CCDC106: variants seen among roughly 807,000 people sequenced by gnomAD.
CCDC106 encodes coiled-coil domain containing 106, also known as coiled-coil domain-containing protein 106.
CCDC106 carries 17 observed loss-of-function variants against 24.7 expected under a neutral mutation model. The ratio of observed to expected loss-of-function variants is 0.69; its 90% CI spans 0.47 to 1.03. The LOEUF (loss-of-function observed/expected upper bound fraction) is 1.03. Ranked by LOEUF, CCDC106 falls within the 50% of genes least tolerant of loss-of-function variation. The pLI is 0.00. For missense variants in CCDC106, 337 were observed against 388.9 expected, an observed-to-expected ratio of 0.87 and a Z score of 1.12; for synonymous variants, 211 against 161.3, an observed-to-expected ratio of 1.31 and a Z score of -2.34.
intron 3 of CCDC106, 75 bp from the exon 4 acceptor site, chr19:55,651,208 C>T (rs1246829965): frequency 1.7e-6 from 2 of 1,156,088 alleles, no homozygotes; most frequent in Non-Finnish European, 2.6e-6. Flanking sequence ...TCGGGGACTG[C>T]AGCCTCTCTC....
intron 3 of CCDC106, among the ~76,000 whole-genome samples, chr19:55,650,346 C>G (rs759753510): frequency 6.6e-6 from 1 of 152,194 alleles, no homozygotes; most frequent in Non-Finnish European, 1.5e-5. Flanking sequence ...TGGTGGGACC[C>G]TGTGCCCTGT....
rs1430828036 is a variant in CCDC106 at position 55,649,299 on chromosome 19, A to T, written c.126A>T (p.Arg42Ser). Reference sequence around the variant, plus strand: ...TTTACAGTCTGAGCCCCTCTCGGAGAAACTTCGAGGGTGAGCTGAGGGGGT... The same window carrying T: ...TTTACAGTCTGAGCCCCTCTCGGAGTAACTTCGAGGGTGAGCTGAGGGGGT... Reference protein sequence around the residue: ...QIFYSLSPSRRNFEEPPEAAS... With the variant: ...QIFYSLSPSRSNFEEPPEAAS... Residue 42 changes from arginine (R) to serine (S), a missense_variant, in exon 2 of 5, where the codon AGA becomes AGT. Coordinates refer to ENST00000586790, the MANE Select transcript of CCDC106 (RefSeq NM_001370470.1). 1 of 1,613,376 alleles carries T rather than the reference A, an allele frequency of 6.2e-7. No individual in the cohort carries two copies. Among genetic ancestry groups the T allele is most frequent in the African/African-American group, 1.3e-5 (1 of 74,748 alleles).
At chr19:55,650,351 C>T (rs1983159126) in intron 3 of CCDC106, among the ~76,000 whole-genome samples, 1 of 152,116 alleles carries the variant, frequency 6.6e-6, no homozygotes, top group African/African-American at 2.4e-5. Flanking sequence ...GGACCCTGTG[C>T]CCTGTTTAAT....
At chr19:55,651,864 G>C (rs758327876) in intron 4 of CCDC106, among the ~76,000 whole-genome samples, 2 of 152,046 alleles carry the variant, frequency 1.3e-5, no homozygotes, top group Non-Finnish European at 2.9e-5. Context: ...GGGTTTCACC[G>C]TGTTTGCCAG....
At position 55,652,563 on chromosome 19, in the gene CCDC106, C is replaced by G. The variant is rs1264207144; in HGVS notation, c.660C>G (p.Ala220=). ...CCGTGGCGCTGACCACGCCCATCGC[C>G]GAGCTGCTCATTGTGGCCCCCGAGA... is the stretch of plus-strand genomic sequence containing the variant. ...RNTVALTTPI[A]ELLIVAPEKL... is the part of the protein sequence containing the mutation. The change falls in exon 5 of 5, where the codon GCC becomes GCG. Residue 220 remains alanine, a synonymous_variant. Coordinates refer to ENST00000586790, the MANE Select transcript of CCDC106 (RefSeq NM_001370470.1). The surrounding 1 kb of genome is among the most constrained non-coding windows in gnomAD (Gnocchi z 5.9). The G allele has an allele frequency of 1.2e-6, 2 of 1,613,566 alleles. No homozygotes were observed. Among genetic ancestry groups the G allele is most frequent in the Admixed American group, 1.7e-5 (1 of 60,010 alleles).
In CCDC106 at chr19:55,652,831, C is replaced by G; in HGVS notation, c.*85C>G. On this transcript the variant is annotated 3_prime_UTR_variant, in exon 5 of 5. Transcript: ENST00000586790. This position sits in a 1 kb window ranked among gnomAD's most constrained non-coding sequence, Gnocchi z 5.9. ...ACCTGCCCCTCTCCCCGCCGCGCCCCTGCCCCTCCTCCTCGCTCCCTGGGT... is the reference window on the plus strand; with the variant it reads ...ACCTGCCCCTCTCCCCGCCGCGCCCGTGCCCCTCCTCCTCGCTCCCTGGGT... 5.0e-6 allele frequency: 6 copies of G among 1,196,458 alleles called. No homozygotes were observed. The highest frequency in any genetic ancestry group is 5.8e-6 in the Non-Finnish European group (5 of 859,496). 74.1% of individuals were successfully genotyped at this position (1,196,458 alleles called of 1,614,324 possible).
Position 55,649,251 on chromosome 19 carries a change from A to G in CCDC106, c.78A>G (p.Ala26=). ...AGATCTCCATTCCCTTCGATGAGGC[A>G]CCCCACCTAGACCCACAGATCTTTT... ...TFEISIPFDE[A]PHLDPQIFYS... The change falls in exon 2 of 5, where the codon GCA becomes GCG. Residue 26 remains alanine (A), a synonymous_variant. Transcript: ENST00000586790. 1 of 1,613,822 alleles carries G rather than the reference A, an allele frequency of 6.2e-7. No individual in the cohort carries two copies. The highest frequency in any genetic ancestry group is 8.5e-7 in the Non-Finnish European group (1 of 1,179,952).
rs1338971259 is a variant in CCDC106, at chr19:55,652,331, C to A, written c.527-99C>A. ...CTGCACCGGCCCGTGCCTCTGCTCG[C>A]CGAGATCCTTTCTTCCCATGGCCGT... On this transcript the variant is annotated intron_variant, in intron 4 of 4. Transcript: ENST00000586790. This position sits in a 1 kb window ranked among gnomAD's most constrained non-coding sequence, Gnocchi z 5.9. 3.8e-5 allele frequency: 42 copies of A among 1,094,634 alleles called. No individual in the cohort carries two copies. The South Asian group carries it at 6.1e-4, about 16-fold the overall frequency. 67.8% of individuals were successfully genotyped at this position (1,094,634 alleles called of 1,614,324 possible).
intron 3 of CCDC106, 116 bp from the exon 4 acceptor site, chr19:55,651,167 T>C (rs1983233663): frequency 5.0e-6 from 4 of 802,692 alleles, no homozygotes; most frequent in Admixed American, 3.8e-5. Context: ...TCTGTCTCTT[T>C]AGGGGACCAG....
intron 3 of CCDC106, among the ~76,000 whole-genome samples, chr19:55,650,833 G>A (rs79953452): frequency 7.2e-5 from 11 of 152,134 alleles, no homozygotes; most frequent in Admixed American, 6.5e-4. Flanking sequence ...GGCTCCCTCT[G>A]TCTAGATGGA....
rs1983026497 is a variant in CCDC106 at position 55,648,676 on chromosome 19, C to A, written c.-371C>A. ...GCGATGAGAGAGGGTCCTTCCCCTT[C>A]AGGCTAGGTGTCCCTGGTCAGGCGA... On this transcript the variant is annotated 5_prime_UTR_variant, in exon 1 of 5. The change creates a premature stop within an existing upstream ORF in the 5' untranslated region. Coordinates refer to ENST00000586790, the MANE Select transcript of CCDC106 (RefSeq NM_001370470.1). 2 of 340,320 alleles carry A rather than the reference C, an allele frequency of 5.9e-6. No individual in the cohort carries two copies. The highest frequency in any genetic ancestry group is 4.5e-5 in the Admixed American group (1 of 22,142). The allele number at this position is 340,320 out of a possible 1,614,324, so 21.1% of individuals were successfully genotyped here.
chr19:55,650,031 C>G (rs2123649210), intron 3 of CCDC106, among the ~76,000 whole-genome samples: 1 of 152,280 alleles, frequency 6.6e-6, no homozygotes, highest in Non-Finnish European at 1.5e-5. Flanking sequence ...ATCCAAGAGT[C>G]CAGCCATCCG....
chr19:55,650,596 C>T (rs113502591), intron 3 of CCDC106, among the ~76,000 whole-genome samples: 7 of 152,336 alleles, frequency 4.6e-5, no homozygotes, highest in African/African-American at 1.7e-4. Flanking sequence ...ACTGGAAGCC[C>T]AGCATCTGGG....
At position 55,649,601 on chromosome 19, in the gene CCDC106, C is replaced by T. The variant is rs370292685; in HGVS notation, c.313+17C>T. On this transcript the variant is annotated intron_variant, in intron 3 of 4. Transcript: ENST00000586790. ...TGGAGGCAGGTGTGTGTGGGGTGCT[C>T]TGATCCACATGCCTCCCTGTCCCGC... is the stretch of plus-strand genomic sequence containing the variant. 8 of 1,608,704 alleles carry T rather than the reference C, an allele frequency of 5.0e-6. 1 individual carries two copies. The highest frequency in any genetic ancestry group is 4.4e-5 in the South Asian group (4 of 90,422).
Position 55,652,769 on chromosome 19 carries a change from C to T in CCDC106, c.*23C>T. On this transcript the variant is annotated 3_prime_UTR_variant, in exon 5 of 5. Coordinates refer to ENST00000586790, the MANE Select transcript of CCDC106 (RefSeq NM_001370470.1). This position sits in a 1 kb window ranked among gnomAD's most constrained non-coding sequence, Gnocchi z 5.9. ...TGATCGCACCACGCCTCCGCGCCTCCACCCGGGCCTTCCTCCCCCGTGGAC... is the reference window on the plus strand; with the variant it reads ...TGATCGCACCACGCCTCCGCGCCTCTACCCGGGCCTTCCTCCCCCGTGGAC... 1 of 1,583,038 alleles carries T rather than the reference C, an allele frequency of 6.3e-7. No homozygotes were observed.
At position 55,649,508 on chromosome 19, in the gene CCDC106, C is replaced by G; in HGVS notation, c.237C>G (p.Ile79Met). ...GGAACTCCTGGCTGCAGAAGCGCATCGAGGACCTGGAGGAAGAGAGGGACT... is the reference window on the plus strand; with the variant it reads ...GGAACTCCTGGCTGCAGAAGCGCATGGAGGACCTGGAGGAAGAGAGGGACT... ...LERNSWLQKR[I>M]EDLEEERDFL... The change falls in exon 3 of 5, where the codon ATC (isoleucine) becomes ATG (methionine). Residue 79 changes from isoleucine to methionine, a missense_variant. Ile to Met is a conservative substitution (Grantham distance 10, BLOSUM62 1). Coordinates refer to ENST00000586790, the MANE Select transcript of CCDC106 (RefSeq NM_001370470.1). 1.9e-6 allele frequency: 3 copies of G among 1,614,098 alleles called. No homozygotes were observed. Among genetic ancestry groups the G allele is most frequent in the Non-Finnish European group, 2.5e-6 (3 of 1,179,986 alleles).
chr19:55,649,404 C>T lies in CCDC106; in HGVS notation c.137-4C>T, dbSNP rs760120672. The T allele has an allele frequency of 3.1e-6, 5 of 1,613,842 alleles. No homozygotes were observed. The African/African-American group carries it at 6.7e-5, about 22-fold the overall frequency. On this transcript the variant is annotated splice_polypyrimidine_tract_variant and splice_region_variant and intron_variant, in intron 2 of 4. Transcript: ENST00000586790. ...TGGTCCCCCCACCCTCGCTGTGTCC[C>T]TAGAGCCTCCGGAGGCTGCGTCCTC...
rs1405672789 is a variant in CCDC106, at chr19:55,649,086, G to C, written c.31+9G>C. 2 of 1,614,044 alleles carry C rather than the reference G, an allele frequency of 1.2e-6. No individual in the cohort carries two copies. The highest frequency in any genetic ancestry group is 3.3e-5 in the Admixed American group (2 of 60,022). On this transcript the variant is annotated intron_variant, in intron 1 of 4. Transcript: ENST00000586790. ...CAGTCGGAGGCGGACAAGTGAGGAA[G>C]CTGGGTCCCCTTCCCTACCCTGGGT...
intron 3 of CCDC106, among the ~76,000 whole-genome samples, chr19:55,650,704 C>T (rs1310328572): frequency 1.3e-5 from 2 of 152,178 alleles, no homozygotes; most frequent in South Asian, 2.1e-4. Context: ...GGGTGACTGA[C>T]TCCTTTGCAC....
Sources: gnomAD v4.1 joint callset for allele counts (sites outside exome capture counted in the v4.1 genomes callset) on GRCh38, gnomAD v4.1.1 for gene constraint, Gnocchi (gnomAD v3.1) non-coding constraint, MANE v1.5 for transcripts, NCBI Gene and HGNC (gene_info 2026-07-23, HGNC 2026-07-21) for gene names.